Variants in UCK2 observed in about 807,000 individuals in gnomAD.
The protein encoded by UCK2 is uridine-cytidine kinase 2, also known as cytidine monophosphokinase 2.
UCK2 carries 6 observed loss-of-function variants against 30.8 expected under a neutral mutation model. That is an observed-to-expected ratio of 0.19 (90% CI 0.11 to 0.38). UCK2 has a LOEUF of 0.38. Among genes scored for constraint, UCK2 ranks in the 10% least tolerant of loss-of-function variants. The pLI is 1.00. For missense variants in UCK2, 210 were observed against 339.8 expected (o/e 0.62, Z 3.00); for synonymous variants, 125 against 133.6 (o/e 0.94, Z 0.45).
At chr1:165,874,680 G>C (rs966397800) in intron 1 of UCK2, among the ~76,000 whole-genome samples, 1 of 152,078 alleles carries the variant, frequency 6.6e-6, no homozygotes, top group Non-Finnish European at 1.5e-5. Context: ...AGGTGCCTCT[G>C]CCATAAAACA....
At chr1:165,861,728 T>C (rs1654914295) in intron 1 of UCK2, among the ~76,000 whole-genome samples, 2 of 148,790 alleles carry the variant, frequency 1.3e-5, no homozygotes, top group Non-Finnish European at 3.0e-5. Context: ...AGGCATTCCC[T>C]ACCTGGCCAT....
chr1:165,889,425 C>T (rs1431335563), intron 1 of UCK2, among the ~76,000 whole-genome samples: 3 of 152,214 alleles, frequency 2.0e-5, no homozygotes, highest in African/African-American at 4.8e-5. Flanking sequence ...ACATCATCAC[C>T]ATGCCTTCAT....
At chr1:165,888,028 C>T (rs1571293160) in intron 1 of UCK2, among the ~76,000 whole-genome samples, 1 of 152,146 alleles carries the variant, frequency 6.6e-6, no homozygotes, top group Admixed American at 6.5e-5. Flanking sequence ...CTTACTTAGT[C>T]GTGTGTCACA....
chr1:165,838,020 T>C (rs1255142188), intron 1 of UCK2, among the ~76,000 whole-genome samples: 1 of 152,228 alleles, frequency 6.6e-6, no homozygotes, highest in Non-Finnish European at 1.5e-5. Flanking sequence ...AGTGTTGACG[T>C]TGGACTGTAG....
At position 165,907,861 on chromosome 1, in the gene UCK2, A is replaced by T; in HGVS notation, c.*38A>T. 1.2e-6 allele frequency: 2 copies of T among 1,609,736 alleles called. No individual in the cohort carries two copies. Among genetic ancestry groups the T allele is most frequent in the African/African-American group, 1.3e-5 (1 of 74,998 alleles). ...GGACCCCAGCCCCTATCTCCAAGAG[A>T]CAGAGGAGGGGTCAGGAGGCACTGC... On this transcript the variant is annotated 3_prime_UTR_variant, in exon 7 of 7. Coordinates refer to ENST00000367879, the MANE Select transcript of UCK2 (RefSeq NM_012474.5).
At chr1:165,901,151 C>T (rs1021850425) in intron 4 of UCK2, among the ~76,000 whole-genome samples, 2 of 152,160 alleles carry the variant, frequency 1.3e-5, no homozygotes, top group African/African-American at 2.4e-5. Context: ...CCAGGTCCAG[C>T]GTTGCAGGGG....
intron 1 of UCK2, among the ~76,000 whole-genome samples, chr1:165,853,429 A>G (rs1362906325): frequency 6.6e-6 from 1 of 152,098 alleles, no homozygotes. Context: ...TTATTTTTTA[A>G]AAAGTAGGCC....
At chr1:165,898,012 T>G (rs971390043) in intron 4 of UCK2, 1 of 151,902 alleles carries the variant, frequency 6.6e-6, no homozygotes, top group Non-Finnish European at 1.5e-5. Flanking sequence ...TGGGTAAGAG[T>G]TGCATGGTCA....
chr1:165,862,189 C>T (rs1237873513), intron 1 of UCK2, among the ~76,000 whole-genome samples: 2 of 152,098 alleles, frequency 1.3e-5, no homozygotes, highest in Non-Finnish European at 2.9e-5. Context: ...CTCTGTTTTC[C>T]CTTTCTTTAG....
chr1:165,900,193 G>T (rs1647408513), intron 4 of UCK2: 1 of 152,118 alleles, frequency 6.6e-6, no homozygotes, highest in Non-Finnish European at 1.5e-5. Flanking sequence ...CGCTCCCACG[G>T]TGTTGAGCTG....
chr1:165,856,113 ATATCTG>A (rs1226810981), intron 1 of UCK2, among the ~76,000 whole-genome samples: 1 of 152,204 alleles, frequency 6.6e-6, no homozygotes, highest in African/African-American at 2.4e-5. Context: ...TATCTTTTCT[ATATCTG>A]TATATATAAA....
rs141675896 is a variant in UCK2, at chr1:165,898,833, C to T, written c.499+2501C>T. On this transcript the variant is annotated intron_variant, in intron 4 of 6. Coordinates refer to ENST00000367879, the MANE Select transcript of UCK2 (RefSeq NM_012474.5). ...TTTCTTAGGGCCAGCTCTGCCTCTC[C>T]GCCTTCTCTGAACAGGCTGCCTGGG... Among the ~76,000 whole-genome samples the T allele has an allele frequency of 5.9e-5, 9 of 152,338 alleles. No individual in the cohort carries two copies. In the East Asian group the frequency reaches 7.7e-4, roughly 13 times the overall value.
intron 1 of UCK2, among the ~76,000 whole-genome samples, chr1:165,881,799 A>G (rs1386475320): frequency 6.6e-6 from 1 of 152,218 alleles, no homozygotes; most frequent in African/African-American, 2.4e-5. Context: ...ACATGTAATT[A>G]CATAAACCCA....
At chr1:165,903,434 T>C (rs776396057) in intron 5 of UCK2, among the ~76,000 whole-genome samples, 155 bp downstream of exon 5, 41 of 152,210 alleles carry the variant, frequency 2.7e-4, no homozygotes, top group Non-Finnish European at 5.0e-4. Flanking sequence ...GGGCAGCCCT[T>C]GGTCCTTGTG....
intron 1 of UCK2, among the ~76,000 whole-genome samples, chr1:165,840,417 A>G (rs1654299364): frequency 6.6e-6 from 1 of 152,040 alleles, no homozygotes; most frequent in Non-Finnish European, 1.5e-5. Context: ...TCTCTTGGCA[A>G]TTTTCAAGTA....
At chr1:165,871,612 C>G (rs1348565473) in intron 1 of UCK2, among the ~76,000 whole-genome samples, 1 of 152,094 alleles carries the variant, frequency 6.6e-6, no homozygotes, top group Non-Finnish European at 1.5e-5. Context: ...GGATTGGTGC[C>G]CTCTTGTGGT....
Position 165,827,797 on chromosome 1 carries a change from G to A in UCK2, c.-37G>A, listed in dbSNP as rs368846066. 8.8e-6 allele frequency: 12 copies of A among 1,363,076 alleles called. No individual in the cohort carries two copies. The highest frequency in any genetic ancestry group is 6.0e-5 in the African/African-American group (4 of 66,638). The allele number at this position is 1,363,076 out of a possible 1,614,324, so 84.4% of individuals were successfully genotyped here. ...GGGCGCGGGCGGGGAGCGTGCGTCC[G>A]TTCGCACAGGCAGCGGGAGGAGGGG... On this transcript the variant is annotated 5_prime_UTR_variant, in exon 1 of 7. Transcript: ENST00000367879.
intron 1 of UCK2, among the ~76,000 whole-genome samples, chr1:165,848,807 G>A (rs1571270163): frequency 6.6e-6 from 1 of 152,102 alleles, no homozygotes; most frequent in East Asian, 1.9e-4. Flanking sequence ...TCATCTGTGG[G>A]TGGAAAACCT....
At chr1:165,861,246 A>G (rs1293618144) in intron 1 of UCK2, among the ~76,000 whole-genome samples, 3 of 152,142 alleles carry the variant, frequency 2.0e-5, no homozygotes, top group Non-Finnish European at 2.9e-5. Context: ...CGCTATTGAT[A>G]CGTGGATTAA....
Sources: gnomAD v4.1 joint callset for allele counts (sites outside exome capture counted in the v4.1 genomes callset) on GRCh38, gnomAD v4.1.1 for gene constraint, MANE v1.5 for transcripts, NCBI Gene and HGNC (gene_info 2026-07-23, HGNC 2026-07-21) for gene names.